KIAA1217: variants seen among roughly 807,000 people sequenced by gnomAD.
KIAA1217 encodes the protein sickle tail protein homolog.
KIAA1217 carries 88 observed loss-of-function variants against 163.9 expected under a neutral mutation model. The observed-to-expected ratio is 0.54, with a 90% confidence interval of 0.45 to 0.64. KIAA1217 has a LOEUF of 0.64. Among genes scored for constraint, KIAA1217 ranks in the 30% least tolerant of loss-of-function variants. The pLI, the probability that KIAA1217 is intolerant of heterozygous loss-of-function variation, is 0.00. For synonymous variants in KIAA1217, 903 were observed against 923.1 expected, an observed-to-expected ratio of 0.98 and a Z score of 0.39; for missense variants, 2,372 against 2,475.0, an observed-to-expected ratio of 0.96 and a Z score of 0.88.
At chr10:23,882,754 C>T (rs1432506113) in intron 1 of KIAA1217, among the ~76,000 whole-genome samples, 1 of 151,920 alleles carries the variant, frequency 6.6e-6, no homozygotes, top group Non-Finnish European at 1.5e-5. Flanking sequence ...ATGTCTCCTG[C>T]TTTACCTAGG....
intron 1 of KIAA1217, among the ~76,000 whole-genome samples, chr10:23,995,516 A>G (rs1846432749): frequency 1.3e-5 from 2 of 151,228 alleles, no homozygotes; most frequent in African/African-American, 4.9e-5. Flanking sequence ...TAACGAAATT[A>G]GGGCAAATGG....
chr10:23,857,727 A>G (rs1839760155), intron 1 of KIAA1217, among the ~76,000 whole-genome samples: 1 of 152,170 alleles, frequency 6.6e-6, no homozygotes, highest in Non-Finnish European at 1.5e-5. Context: ...CTCAACCTTT[A>G]GAGGAGTGGG....
At chr10:23,726,586 C>T (rs182615289) in intron 1 of KIAA1217, among the ~76,000 whole-genome samples, 3 of 151,912 alleles carry the variant, frequency 2.0e-5, no homozygotes, top group Non-Finnish European at 4.4e-5. Flanking sequence ...TTCTGCACAG[C>T]AAAAGAAACT....
At chr10:24,350,086 G>GT (rs1179744832) in intron 2 of KIAA1217, among the ~76,000 whole-genome samples, 1 of 152,178 alleles carries the variant, frequency 6.6e-6, no homozygotes, top group African/African-American at 2.4e-5. Flanking sequence ...AATTGCTTTT[G>GT]TTTTGCCCCC....
intron 2 of KIAA1217, among the ~76,000 whole-genome samples, chr10:24,146,908 A>G (rs1348544940): frequency 6.6e-6 from 1 of 151,604 alleles, no homozygotes; most frequent in Non-Finnish European, 1.5e-5. Flanking sequence ...GTCCTTCCAG[A>G]GAGGTTTGAG....
At chr10:23,897,160 A>G (rs1589035283) in intron 1 of KIAA1217, among the ~76,000 whole-genome samples, 1 of 152,222 alleles carries the variant, frequency 6.6e-6, no homozygotes, top group Admixed American at 6.5e-5. Context: ...ATTCTGATGT[A>G]AGCAATACTG....
intron 5 of KIAA1217, among the ~76,000 whole-genome samples, chr10:24,448,145 A>G (rs1415314958): frequency 6.6e-6 from 1 of 152,116 alleles, no homozygotes; most frequent in Admixed American, 6.6e-5. Context: ...AAAGAAGTTA[A>G]TAACCCTGAA....
chr10:24,192,357 C>T (rs911886939), intron 2 of KIAA1217, among the ~76,000 whole-genome samples: 2 of 152,128 alleles, frequency 1.3e-5, no homozygotes, highest in Non-Finnish European at 2.9e-5. Context: ...TTGCCACCTG[C>T]TTCAGTGGGA....
intron 1 of KIAA1217, among the ~76,000 whole-genome samples, chr10:23,958,988 G>T (rs1283069975): frequency 4.7e-5 from 7 of 149,830 alleles, no homozygotes; most frequent in African/African-American, 1.5e-4. Context: ...GAGCCTGGAA[G>T]ATGTGCTCTG....
intron 2 of KIAA1217, among the ~76,000 whole-genome samples, chr10:24,086,834 A>C (rs373851011): frequency 5.9e-5 from 9 of 152,230 alleles, no homozygotes; most frequent in African/African-American, 1.9e-4. Context: ...TGAGGGACTC[A>C]TGGGGTAACC....
intron 1 of KIAA1217, among the ~76,000 whole-genome samples, chr10:23,736,878 C>T (rs1838837400): frequency 6.6e-6 from 1 of 152,110 alleles, no homozygotes; most frequent in South Asian, 2.1e-4. Context: ...TATTTTTCTT[C>T]AGCAGTTTCT....
chr10:24,338,237 C>T (rs1425973523), intron 2 of KIAA1217, among the ~76,000 whole-genome samples: 1 of 152,174 alleles, frequency 6.6e-6, no homozygotes, highest in Non-Finnish European at 1.5e-5. Context: ...TCTAAAGAGG[C>T]CCGAGACAGC....
In KIAA1217 at chr10:23,911,562, C is replaced by T. The variant is rs577742146; in HGVS notation, c.-320-95663C>T. Among the ~76,000 whole-genome samples the T allele has an allele frequency of 1.3e-5, 2 of 152,256 alleles. 1 individual carries two copies. The highest frequency in any genetic ancestry group is 4.1e-4 in the South Asian group (2 of 4,826). On this transcript the variant is annotated intron_variant, in intron 1 of 18. Coordinates refer to the KIAA1217 transcript ENST00000376462. ...TAGCATTTTTGTTTCTCTGCCAAGC[C>T]ATTCTCTTTCCTTACCCAATTCCCA... is the stretch of plus-strand genomic sequence containing the variant.
intron 3 of KIAA1217, among the ~76,000 whole-genome samples, chr10:24,431,143 A>C (rs2059574059): frequency 6.6e-6 from 1 of 152,080 alleles, no homozygotes. Context: ...ATGCTTTTGT[A>C]TCCCTTATTG....
At chr10:23,859,498 C>T (rs1839857396) in intron 1 of KIAA1217, among the ~76,000 whole-genome samples, 1 of 152,196 alleles carries the variant, frequency 6.6e-6, no homozygotes, top group Non-Finnish European at 1.5e-5. Flanking sequence ...GCACAACCTT[C>T]TACTAATCAC....
At chr10:23,961,521 G>C (rs1218641553) in intron 1 of KIAA1217, among the ~76,000 whole-genome samples, 1 of 152,144 alleles carries the variant, frequency 6.6e-6, no homozygotes, top group East Asian at 1.9e-4. Flanking sequence ...GGTGCTCTCT[G>C]TGTGTGTGCC....
chr10:24,422,483 A>G (rs530338967), intron 3 of KIAA1217, among the ~76,000 whole-genome samples: 1 of 152,320 alleles, frequency 6.6e-6, no homozygotes, highest in East Asian at 1.9e-4. Flanking sequence ...TGAGATGAAA[A>G]TGAGGACTCA....
intron 6 of KIAA1217, among the ~76,000 whole-genome samples, chr10:24,487,006 G>GTCAGAGAA (rs1422228362): frequency 1.3e-5 from 2 of 152,172 alleles, no homozygotes; most frequent in African/African-American, 4.8e-5. Context: ...TAAGGATGGA[G>GTCAGAGAA]TCAGAGAACA....
intron 1 of KIAA1217, among the ~76,000 whole-genome samples, chr10:23,864,618 C>T (rs1267383153): frequency 6.6e-6 from 1 of 151,468 alleles, no homozygotes; most frequent in Non-Finnish European, 1.5e-5. Context: ...TTTGTACAGA[C>T]CTGTACAAAT....
Sources: allele counts gnomAD v4.1 joint callset (sites outside exome capture counted in the v4.1 genomes callset), GRCh38; gene constraint gnomAD v4.1.1; transcripts MANE v1.5; gene names NCBI Gene and HGNC (gene_info 2026-07-23, HGNC 2026-07-21).